Variants in CNTN4 observed in about 807,000 individuals in gnomAD.
The protein encoded by CNTN4 is contactin 4, also known as contactin-4.
In CNTN4, 77 loss-of-function variants were observed where a neutral mutation model predicts 122.5. The observed-to-expected ratio is 0.63, with a 90% CI of 0.52 to 0.76. The LOEUF (loss-of-function observed/expected upper bound fraction) is 0.76. CNTN4 is among the 30% of genes least tolerant of loss of function. The pLI, the probability that CNTN4 is intolerant of heterozygous loss-of-function variation, is 0.00. For synonymous variants in CNTN4, 512 were observed against 447.0 expected, an observed-to-expected ratio of 1.15 and a Z score of -1.83; for missense variants, 1,256 against 1,259.1, an observed-to-expected ratio of 1.00 and a Z score of 0.04.
intron 7 of CNTN4, among the ~76,000 whole-genome samples, chr3:2,838,124 G>A (rs2093268429): frequency 6.6e-6 from 1 of 152,202 alleles, no homozygotes; most frequent in Admixed American, 6.5e-5. Context: ...CCACATGGAA[G>A]GTGTTCCACT....
intron 4 of CNTN4, among the ~76,000 whole-genome samples, chr3:2,602,022 G>A (rs889354646): frequency 9.2e-5 from 14 of 152,216 alleles, no homozygotes; most frequent in African/African-American, 3.4e-4. Flanking sequence ...TGCAGAAAAG[G>A]CCTTCAACAA....
At chr3:2,614,863 G>A (rs2081646466) in intron 4 of CNTN4, among the ~76,000 whole-genome samples, 1 of 152,184 alleles carries the variant, frequency 6.6e-6, no homozygotes, top group Non-Finnish European at 1.5e-5. Flanking sequence ...ATATAAAAAA[G>A]CAAAGAAGTG....
intron 4 of CNTN4, among the ~76,000 whole-genome samples, chr3:2,616,805 G>A (rs142779502): frequency 0.038 from 5,772 of 152,128 alleles, 126 homozygotes; most frequent in Non-Finnish European, 0.047. Flanking sequence ...ATAGACCAAT[G>A]GAACAGAACA....
In CNTN4 at chr3:2,773,540, A is replaced by G. The variant is rs560161817; in HGVS notation, c.358+27843A>G. Among the ~76,000 whole-genome samples, 7 of 152,260 alleles carry G rather than the reference A, an allele frequency of 4.6e-5. No homozygotes were observed. In the South Asian group the frequency reaches 1.4e-3, roughly 32 times the overall value. On this transcript the variant is annotated intron_variant, in intron 6 of 24. Coordinates refer to ENST00000418658, the MANE Select transcript of CNTN4 (RefSeq NM_175607.3). ...ACTGGAGGAAGACCTCAGAAAAGTA[A>G]TGCATGTAGGATTCTAGAGGAAGAT...
At chr3:2,146,275 A>AT (rs74268581) in intron 2 of CNTN4, among the ~76,000 whole-genome samples, 38 of 145,660 alleles carry the variant, frequency 2.6e-4, no homozygotes, top group South Asian at 1.5e-3. Context: ...TGCTGTTAAT[A>AT]TTTTTTTTTT....
intron 6 of CNTN4, among the ~76,000 whole-genome samples, chr3:2,801,345 G>A (rs1359842558): frequency 2.0e-5 from 3 of 152,110 alleles, no homozygotes; most frequent in Non-Finnish European, 2.9e-5. Flanking sequence ...ATTGTTCTCT[G>A]TACTTCAGCT....
At chr3:2,205,444 TG>T (rs1440819850) in intron 2 of CNTN4, among the ~76,000 whole-genome samples, 7 of 151,802 alleles carry the variant, frequency 4.6e-5, no homozygotes, top group Non-Finnish European at 1.0e-4. Flanking sequence ...GGGAGTCAGG[TG>T]GTTTTTCTCT....
At chr3:2,527,027 T>C (rs2077422898) in intron 3 of CNTN4, among the ~76,000 whole-genome samples, 1 of 152,192 alleles carries the variant, frequency 6.6e-6, no homozygotes, top group Non-Finnish European at 1.5e-5. Context: ...TCAGAAAACG[T>C]AGAAGACAGA....
At chr3:2,801,929 G>C (rs1027019931) in intron 6 of CNTN4, among the ~76,000 whole-genome samples, 8 of 152,116 alleles carry the variant, frequency 5.3e-5, no homozygotes, top group Middle Eastern at 3.2e-3. Context: ...TTAATCAAAT[G>C]AGTTATTAGT....
intron 3 of CNTN4, among the ~76,000 whole-genome samples, chr3:2,340,609 G>A (rs540517289): frequency 6.7e-6 from 1 of 149,200 alleles, no homozygotes; most frequent in African/African-American, 2.5e-5. Context: ...GGGCCTGGGA[G>A]GTCAAGGCTG....
intron 3 of CNTN4, among the ~76,000 whole-genome samples, chr3:2,376,857 A>G (rs2045838089): frequency 6.6e-6 from 1 of 152,184 alleles, no homozygotes; most frequent in Admixed American, 6.5e-5. Flanking sequence ...ATTAACACAA[A>G]AAGAAAATGA....
At position 2,895,136 on chromosome 3, in the gene CNTN4, C is replaced by T. The variant is rs976738331; in HGVS notation, c.941-5549C>T. On this transcript the variant is annotated intron_variant, in intron 10 of 24. Coordinates refer to ENST00000418658, the MANE Select transcript of CNTN4 (RefSeq NM_175607.3). ...GACTACAGACAGGCACCACCATGCC[C>T]GGCTAATTTTTGTATTTTTAGGAAA... is the stretch of plus-strand genomic sequence containing the variant. Among the ~76,000 whole-genome samples the T allele has an allele frequency of 6.6e-5, 10 of 152,108 alleles. No individual in the cohort carries two copies. In the South Asian group the frequency reaches 1.7e-3, roughly 25 times the overall value.
chr3:2,458,045 C>T (rs189400783), intron 3 of CNTN4, among the ~76,000 whole-genome samples: 10 of 152,234 alleles, frequency 6.6e-5, no homozygotes, highest in Non-Finnish European at 1.0e-4. Flanking sequence ...TGTGGAACCA[C>T]AGCTTCATTT....
At chr3:2,104,255 TGC>T (rs66645814) in intron 2 of CNTN4, among the ~76,000 whole-genome samples, 3,773 of 95,122 alleles carry the variant, frequency 0.04, 73 homozygotes, top group African/African-American at 0.051. Flanking sequence ...TGTGTGTGTG[TGC>T]GTTTCAAGTC....
chr3:2,544,745 T>A (rs1465598853), intron 3 of CNTN4, among the ~76,000 whole-genome samples: 1 of 151,944 alleles, frequency 6.6e-6, no homozygotes, highest in East Asian at 1.9e-4. Context: ...ATGTGTTTAC[T>A]TGGATCTCTG....
At chr3:2,495,344 T>C (rs2076425793) in intron 3 of CNTN4, among the ~76,000 whole-genome samples, 1 of 152,252 alleles carries the variant, frequency 6.6e-6, no homozygotes, top group Non-Finnish European at 1.5e-5. Context: ...TCAAGTTCCT[T>C]GAAAGCCAAT....
At chr3:2,769,651 G>A (rs2091003968) in intron 6 of CNTN4, among the ~76,000 whole-genome samples, 1 of 152,134 alleles carries the variant, frequency 6.6e-6, no homozygotes, top group Non-Finnish European at 1.5e-5. Flanking sequence ...AAACACCTAT[G>A]TTGGTTTCAC....
chr3:2,990,298 C>A (rs187322953), intron 14 of CNTN4, among the ~76,000 whole-genome samples: 1 of 152,098 alleles, frequency 6.6e-6, no homozygotes, highest in Non-Finnish European at 1.5e-5. Flanking sequence ...AATGGATATG[C>A]GTGTATTCTA....
chr3:2,590,932 A>G (rs1281323330), intron 4 of CNTN4, among the ~76,000 whole-genome samples: 1 of 152,192 alleles, frequency 6.6e-6, no homozygotes, highest in African/African-American at 2.4e-5. Flanking sequence ...ATTAAGGTAT[A>G]CACTTTGATA....
Sources: gnomAD v4.1 joint callset for allele counts (sites outside exome capture counted in the v4.1 genomes callset) on GRCh38, gnomAD v4.1.1 for gene constraint, MANE v1.5 for transcripts, NCBI Gene and HGNC (gene_info 2026-07-23, HGNC 2026-07-21) for gene names.